The following ELAVL2 variants were observed in gnomAD, a reference collection of about 807,000 sequenced individuals.
ELAVL2 encodes the protein ELAV like RNA binding protein 2.
ELAVL2 carries 4 observed loss-of-function variants against 34.6 expected under a neutral mutation model. The ratio of observed to expected loss-of-function variants is 0.12; its 90% confidence interval spans 0.06 to 0.26. The LOEUF is 0.26. ELAVL2 is among the 10% of genes least tolerant of loss of function. The pLI is 1.00. For missense variants in ELAVL2, 432 were observed against 442.8 expected (o/e 0.98, Z 0.22); for synonymous variants, 193 against 154.8 (o/e 1.25, Z -1.83).
At chr9:23,722,781 C>G (rs1239169128) in intron 3 of ELAVL2, among the ~76,000 whole-genome samples, 1 of 152,206 alleles carries the variant, frequency 6.6e-6, no homozygotes, top group Non-Finnish European at 1.5e-5. Context: ...ATTTGCCTAC[C>G]AGAGACTACT....
rs770537526 is a variant in ELAVL2, at chr9:23,701,462, G to A, written c.630C>T (p.Thr210=). The A allele has an allele frequency of 6.2e-7, 1 of 1,614,074 alleles. No individual in the cohort carries two copies. The highest frequency in any genetic ancestry group is 2.2e-5 in the East Asian group (1 of 44,840). The change falls in exon 5 of 7, where the codon ACC becomes ACT. Residue 210 remains threonine, a synonymous_variant. Transcript: ENST00000397312. ...ACAGCTGGGAAAGGATGGCCTGATTGGTTTTTTGGCTTGGGTTATTAGCAA... is the reference window on the plus strand; with the variant it reads ...ACAGCTGGGAAAGGATGGCCTGATTAGTTTTTTGGCTTGGGTTATTAGCAA... ...VKFANNPSQK[T]NQAILSQLYQ... is the part of the protein sequence containing the mutation.
At chr9:23,817,453 G>A (rs2063871031) in intron 1 of ELAVL2, among the ~76,000 whole-genome samples, 1 of 152,126 alleles carries the variant, frequency 6.6e-6, no homozygotes, top group South Asian at 2.1e-4. Flanking sequence ...ATGTCATTAA[G>A]CATATCAATT....
intron 5 of ELAVL2, among the ~76,000 whole-genome samples, chr9:23,695,707 T>C (rs1169618027): frequency 6.6e-6 from 1 of 152,138 alleles, no homozygotes; most frequent in Non-Finnish European, 1.5e-5. Flanking sequence ...TCTAACACAA[T>C]GCTAAGTATT....
intron 6 of ELAVL2, 52 bp from the exon 7 acceptor site, chr9:23,692,936 G>A (rs2033688287): frequency 1.9e-6 from 3 of 1,548,220 alleles, no homozygotes; most frequent in Non-Finnish European, 2.6e-6. Flanking sequence ...TAAAAACAGA[G>A]GTTGGTTATA....
At chr9:23,697,058 G>C (rs1196970412) in intron 5 of ELAVL2, among the ~76,000 whole-genome samples, 2 of 152,094 alleles carry the variant, frequency 1.3e-5, no homozygotes, top group Admixed American at 6.5e-5. Flanking sequence ...TCGAAGGGGA[G>C]AGGCGGCGAG....
intron 1 of ELAVL2, among the ~76,000 whole-genome samples, chr9:23,788,407 A>C (rs1297195942): frequency 6.6e-6 from 1 of 152,270 alleles, no homozygotes; most frequent in Middle Eastern, 3.4e-3. Context: ...CCTTTTTACC[A>C]GGCACTCAAA....
chr9:23,781,893 T>C (rs2059118211), intron 1 of ELAVL2, among the ~76,000 whole-genome samples: 1 of 151,988 alleles, frequency 6.6e-6, no homozygotes, highest in African/African-American at 2.4e-5. Context: ...AGCGTGTTAG[T>C]CAGGATGGTC....
At chr9:23,749,470 G>C (rs1326293982) in intron 2 of ELAVL2, among the ~76,000 whole-genome samples, 1 of 152,050 alleles carries the variant, frequency 6.6e-6, no homozygotes, top group African/African-American at 2.4e-5. Context: ...AAAATTAAAG[G>C]AGTTCAAGAT....
chr9:23,731,337 T>A (rs895383279), intron 2 of ELAVL2, among the ~76,000 whole-genome samples: 2 of 140,202 alleles, frequency 1.4e-5, no homozygotes, highest in Non-Finnish European at 3.2e-5. Context: ...CAGTGCTGTT[T>A]AGGAAAAAAA....
intron 2 of ELAVL2, among the ~76,000 whole-genome samples, chr9:23,738,560 T>C (rs896325560): frequency 6.6e-6 from 1 of 152,120 alleles, no homozygotes; most frequent in Admixed American, 6.6e-5. Context: ...GGATGGAGAA[T>C]TCAACCTAGA....
intron 1 of ELAVL2, among the ~76,000 whole-genome samples, chr9:23,814,152 T>C (rs1418798731): frequency 6.6e-6 from 1 of 152,202 alleles, no homozygotes; most frequent in Non-Finnish European, 1.5e-5. Context: ...ATAGGCCATA[T>C]GAAGCTCACG....
At chr9:23,843,602 C>T in the ELAVL2 span, among the ~76,000 whole-genome samples, 2 of 151,988 alleles carry the variant, frequency 1.3e-5, no homozygotes, top group Non-Finnish European at 2.9e-5. Flanking sequence ...TATTATAAAA[C>T]AGAACTCTGT....
Position 23,736,275 on chromosome 9 carries a change from A to G in ELAVL2, c.230-5150T>C, listed in dbSNP as rs567050206. Among the ~76,000 whole-genome samples, 13 of 152,300 alleles carry G rather than the reference A, an allele frequency of 8.5e-5. No individual in the cohort carries two copies. The South Asian group carries it at 1.9e-3, about 22-fold the overall frequency. ...AAAATTGTGGAAAATAAAATTTTGT[A>G]TTTAAAAAAAACAAGAGTCACCCTA... On this transcript the variant is annotated intron_variant, in intron 2 of 6. Coordinates refer to ENST00000397312, the MANE Select transcript of ELAVL2 (RefSeq NM_004432.5).
At chr9:23,755,198 G>A (rs1021100619) in intron 2 of ELAVL2, among the ~76,000 whole-genome samples, 3 of 152,042 alleles carry the variant, frequency 2.0e-5, no homozygotes, top group African/African-American at 7.2e-5. Context: ...CAAGTCCCCA[G>A]GTACTAAACA....
chr9:23,693,842 G>T (rs1003285660), intron 5 of ELAVL2, among the ~76,000 whole-genome samples: 2 of 152,142 alleles, frequency 1.3e-5, no homozygotes, highest in African/African-American at 2.4e-5. Context: ...TACTACTTTT[G>T]ATTTTCACAA....
chr9:23,761,533 G>A (rs1564334748), intron 2 of ELAVL2, among the ~76,000 whole-genome samples: 1 of 148,770 alleles, frequency 6.7e-6, no homozygotes, highest in African/African-American at 2.4e-5. Flanking sequence ...TATTATATCA[G>A]TGAAAATGTT....
chr9:23,829,426 AC>A (rs1422656086), upstream of ELAVL2, among the ~76,000 whole-genome samples: 2 of 152,196 alleles, frequency 1.3e-5, no homozygotes, highest in East Asian at 3.8e-4. Flanking sequence ...GTTACTGTAA[AC>A]TACTTGTAAC....
Position 23,705,018 on chromosome 9 carries a change from G to A in ELAVL2, c.387C>T (p.Val129=), listed in dbSNP as rs372563684. Residue 129 remains valine (V), a synonymous_variant, in exon 4 of 7, where the codon GTC becomes GTT. Coordinates refer to ENST00000397312, the MANE Select transcript of ELAVL2 (RefSeq NM_004432.5). ...GGGTCATTGTTTTTGGAAGTCCGCT[G>A]ACATATAAATTTGCATCTCTGATAG... ...SASIRDANLY[V]SGLPKTMTQK... 1 of 1,614,120 alleles carries A rather than the reference G, an allele frequency of 6.2e-7. No homozygotes were observed. The highest frequency in any genetic ancestry group is 1.1e-5 in the South Asian group (1 of 91,086).
chr9:23,846,517 C>T, the ELAVL2 span, among the ~76,000 whole-genome samples: 3 of 151,850 alleles, frequency 2.0e-5, no homozygotes, highest in South Asian at 6.2e-4. Context: ...TATTTAAGTT[C>T]CCTTTTAAGG....
Sources: gnomAD v4.1 joint callset for allele counts (sites outside exome capture counted in the v4.1 genomes callset) on GRCh38, gnomAD v4.1.1 for gene constraint, MANE v1.5 for transcripts, NCBI Gene and HGNC (gene_info 2026-07-23, HGNC 2026-07-21) for gene names.